GLG1: variants seen among roughly 807,000 people sequenced by gnomAD.
GLG1 encodes Golgi apparatus protein 1.
A neutral mutation model predicts 160.5 loss-of-function variants in GLG1; 38 were observed. The observed-to-expected ratio is 0.24, with a 90% CI of 0.18 to 0.31. GLG1 has a LOEUF of 0.31. GLG1 is among the 10% of genes least tolerant of loss of function. The pLI, the probability that GLG1 is intolerant of heterozygous loss-of-function variation, is 1.00. For missense variants in GLG1, 1,373 were observed against 1,505.2 expected, an observed-to-expected ratio of 0.91 and a Z score of 1.45; for synonymous variants, 644 against 543.4, an observed-to-expected ratio of 1.19 and a Z score of -2.57.
At chr16:74,584,967 G>A (rs928143823) in intron 1 of GLG1, among the ~76,000 whole-genome samples, 1 of 152,014 alleles carries the variant, frequency 6.6e-6, no homozygotes, top group Non-Finnish European at 1.5e-5. Context: ...TACAATGCTC[G>A]AGTAATGGGT....
At chr16:74,456,927 A>G (rs908369311) in intron 24 of GLG1, among the ~76,000 whole-genome samples, 172 bp from the exon 25 acceptor site, 2 of 152,158 alleles carry the variant, frequency 1.3e-5, no homozygotes, top group African/African-American at 4.8e-5. Flanking sequence ...GAGAGAAATG[A>G]TATGTAACCT....
In GLG1 at chr16:74,593,145, G is replaced by C. The variant is rs981137670; in HGVS notation, c.438+13512C>G. ...GACTTCCCAACCTCCAGAACCATGA[G>C]CCAAATAAATATTCCTTTATATATT... is the stretch of plus-strand genomic sequence containing the variant. On this transcript the variant is annotated intron_variant, in intron 1 of 25. Transcript: ENST00000422840. 7.2e-5 allele frequency among the ~76,000 whole-genome samples: 11 copies of C among 152,190 alleles called. No individual in the cohort carries two copies. In the East Asian group the frequency reaches 1.9e-3, roughly 27 times the overall value.
At chr16:74,495,377 G>A (rs146040549) in intron 5 of GLG1, among the ~76,000 whole-genome samples, 8 of 152,304 alleles carry the variant, frequency 5.3e-5, no homozygotes, top group African/African-American at 1.7e-4. Flanking sequence ...GCCTCCCAAA[G>A]TGCTGGGATT....
chr16:74,481,537 A>T (rs952696662), intron 10 of GLG1, among the ~76,000 whole-genome samples: 1 of 152,216 alleles, frequency 6.6e-6, no homozygotes, highest in Non-Finnish European at 1.5e-5. Context: ...TACACTCAGT[A>T]GACTATTTAG....
chr16:74,536,091 T>C (rs186556704), intron 1 of GLG1, among the ~76,000 whole-genome samples: 2 of 152,322 alleles, frequency 1.3e-5, no homozygotes, highest in Admixed American at 1.3e-4. Context: ...CACTCAGTCA[T>C]GTGATAAAGA....
chr16:74,457,965 T>C lies in GLG1; in HGVS notation c.3174A>G (p.Lys1058=). The C allele has an allele frequency of 6.2e-7, 1 of 1,613,926 alleles. No individual in the cohort carries two copies. Among genetic ancestry groups the C allele is most frequent in the Non-Finnish European group, 8.5e-7 (1 of 1,179,804 alleles). The change falls in exon 24 of 26, where the codon AAA becomes AAG. Residue 1058 remains lysine, a synonymous_variant. Coordinates refer to ENST00000422840, the MANE Select transcript of GLG1 (RefSeq NM_001145667.2). ...KEVLNMLKES[K]ADIFVDPVLH... is the part of the protein sequence containing the mutation. ...GTACCGGGTCAACAAAGATGTCTGC[T>C]TTGCTTTCCTTCAGCATGTTTAGCA... is the stretch of plus-strand genomic sequence containing the variant.
intron 24 of GLG1, among the ~76,000 whole-genome samples, 189 bp from the exon 25 acceptor site, chr16:74,456,944 T>C (rs1468816797): frequency 6.6e-6 from 1 of 152,136 alleles, no homozygotes; most frequent in African/African-American, 2.4e-5. Flanking sequence ...ACCTCCAGGG[T>C]TGGCGTCCGA....
intron 1 of GLG1, among the ~76,000 whole-genome samples, chr16:74,569,605 T>A (rs2018764175): frequency 6.6e-6 from 1 of 152,180 alleles, no homozygotes. Context: ...CTCACACTTG[T>A]AATCCCAGCA....
At chr16:74,575,165 G>A (rs2018966191) in intron 1 of GLG1, among the ~76,000 whole-genome samples, 1 of 151,874 alleles carries the variant, frequency 6.6e-6, no homozygotes, top group African/African-American at 2.4e-5. Flanking sequence ...GGAATTACTT[G>A]AACCTGGGAG....
intron 2 of GLG1, among the ~76,000 whole-genome samples, chr16:74,518,320 C>T (rs1166296363): frequency 6.6e-6 from 1 of 152,102 alleles, no homozygotes; most frequent in African/African-American, 2.4e-5. Flanking sequence ...CTAAAGTAAC[C>T]AAAACAGCGT....
intron 13 of GLG1, chr16:74,474,341 GT>G (rs896502515): frequency 1.1e-4 from 63 of 563,048 alleles, no homozygotes; most frequent in Non-Finnish European, 1.9e-4. Flanking sequence ...GCTGTATAGA[GT>G]GTTGTTCTAG....
rs986812757 is a variant in GLG1 at position 74,451,961 on chromosome 16, T to C, written c.*1206A>G. Reference sequence around the variant, plus strand: ...ACAGAAAGAAAAAAAACAGAGCAAATCCTCCATCTTTTAATGTGATAACTT... The same window carrying C: ...ACAGAAAGAAAAAAAACAGAGCAAACCCTCCATCTTTTAATGTGATAACTT... On this transcript the variant is annotated 3_prime_UTR_variant, in exon 26 of 26. Transcript: ENST00000422840. The C allele has an allele frequency of 1.6e-5, 15 of 911,348 alleles. No individual in the cohort carries two copies. Among genetic ancestry groups the C allele is most frequent in the African/African-American group, 1.6e-4 (10 of 60,958 alleles). The allele number at this position is 911,348 out of a possible 1,614,324, so 56.5% of individuals were successfully genotyped here.
intron 1 of GLG1, among the ~76,000 whole-genome samples, chr16:74,540,523 C>G (rs1253356789): frequency 3.3e-5 from 5 of 151,682 alleles, no homozygotes; most frequent in Non-Finnish European, 2.9e-5. Flanking sequence ...AAATTCCCAT[C>G]TGGGACTGCC....
intron 2 of GLG1, among the ~76,000 whole-genome samples, chr16:74,517,685 G>A (rs1016685297): frequency 1.1e-4 from 17 of 152,174 alleles, no homozygotes; most frequent in African/African-American, 3.9e-4. Context: ...ACATAGTATT[G>A]GAAGTTCAGG....
intron 8 of GLG1, among the ~76,000 whole-genome samples, chr16:74,489,502 C>T (rs943204272): frequency 6.6e-6 from 1 of 151,884 alleles, no homozygotes; most frequent in Non-Finnish European, 1.5e-5. Flanking sequence ...CATTCCTAAC[C>T]CCCGCCACAA....
At chr16:74,566,768 G>A (rs1258010945) in intron 1 of GLG1, among the ~76,000 whole-genome samples, 1 of 152,094 alleles carries the variant, frequency 6.6e-6, no homozygotes, top group Non-Finnish European at 1.5e-5. Flanking sequence ...ACTCAGAATG[G>A]AGAAAGTGCA....
At chr16:74,530,400 G>A (rs1353945027) in intron 2 of GLG1, among the ~76,000 whole-genome samples, 1 of 152,160 alleles carries the variant, frequency 6.6e-6, no homozygotes, top group Non-Finnish European at 1.5e-5. Context: ...CAGAGAGCCA[G>A]AAAGTAACAG....
intron 25 of GLG1, among the ~76,000 whole-genome samples, chr16:74,455,267 T>C (rs534702454): frequency 8.5e-5 from 13 of 152,256 alleles, no homozygotes; most frequent in East Asian, 1.9e-4. Context: ...GCTGCTGAGA[T>C]GGTGTGGCCC....
At chr16:74,459,346 C>T (rs935791057) in intron 23 of GLG1, among the ~76,000 whole-genome samples, 3 of 152,082 alleles carry the variant, frequency 2.0e-5, no homozygotes, top group South Asian at 2.1e-4. Flanking sequence ...GGCGTGGTGG[C>T]GGGCGCCTAT....
Sources: allele counts gnomAD v4.1 joint callset (sites outside exome capture counted in the v4.1 genomes callset), GRCh38; gene constraint gnomAD v4.1.1; transcripts MANE v1.5; gene names NCBI Gene and HGNC (gene_info 2026-07-23, HGNC 2026-07-21).